Variants in KLHL32 observed in about 807,000 individuals in gnomAD.
KLHL32 encodes the protein kelch like family member 32, also known as kelch-like protein 32.
KLHL32 carries 35 observed loss-of-function variants against 64.8 expected under a neutral mutation model. That is an observed-to-expected ratio of 0.54 (90% confidence interval 0.41 to 0.72). The LOEUF is 0.72. Among genes scored for constraint, KLHL32 ranks in the 30% least tolerant of loss-of-function variants. The pLI, the probability that KLHL32 is intolerant of heterozygous loss-of-function variation, is 0.00. For synonymous variants in KLHL32, 259 were observed against 281.0 expected, an observed-to-expected ratio of 0.92 and a Z score of 0.78; for missense variants, 589 against 768.5, an observed-to-expected ratio of 0.77 and a Z score of 2.76.
chr6:97,014,363 G>A (rs1351558779), intron 3 of KLHL32, among the ~76,000 whole-genome samples: 2 of 150,948 alleles, frequency 1.3e-5, no homozygotes, highest in African/African-American at 4.9e-5. Context: ...TTCTGCTTTG[G>A]GTTTGTTTTA....
chr6:97,052,647 G>A (rs564964398), intron 4 of KLHL32, among the ~76,000 whole-genome samples: 3 of 152,208 alleles, frequency 2.0e-5, no homozygotes, highest in Admixed American at 6.5e-5. Flanking sequence ...GCCCAATAAA[G>A]GCCAATATTG....
intron 6 of KLHL32, among the ~76,000 whole-genome samples, chr6:97,095,349 G>T (rs1794834732): frequency 6.6e-6 from 1 of 152,186 alleles, no homozygotes; most frequent in South Asian, 2.1e-4. Flanking sequence ...AAACAAAGGG[G>T]TTGATTTATC....
At chr6:96,936,508 T>G (rs1342677512) in intron 1 of KLHL32, among the ~76,000 whole-genome samples, 1 of 152,202 alleles carries the variant, frequency 6.6e-6, no homozygotes, top group African/African-American at 2.4e-5. Flanking sequence ...CTCTCACAAC[T>G]TACATCCAAA....
chr6:97,111,440 G>A (rs925365217), intron 6 of KLHL32, among the ~76,000 whole-genome samples: 2 of 152,220 alleles, frequency 1.3e-5, no homozygotes, highest in South Asian at 2.1e-4. Flanking sequence ...TTCAGTGCCA[G>A]CAGAGGTAAA....
At chr6:97,113,732 C>T (rs775811193) in intron 6 of KLHL32, 51 bp from the exon 7 acceptor site, 3 of 1,579,706 alleles carry the variant, frequency 1.9e-6, no homozygotes, top group Non-Finnish European at 2.6e-6. Flanking sequence ...GTTGCTTTCT[C>T]TTTCTTTCTT....
chr6:96,916,412 A>T, the KLHL32 span, among the ~76,000 whole-genome samples: 1 of 152,234 alleles, frequency 6.6e-6, no homozygotes, highest in South Asian at 2.1e-4. Flanking sequence ...AAAAGTCAGC[A>T]CCAAGATGAG....
intron 1 of KLHL32, among the ~76,000 whole-genome samples, chr6:96,953,729 C>T (rs1772914534): frequency 6.6e-6 from 1 of 152,064 alleles, no homozygotes; most frequent in African/African-American, 2.4e-5. Context: ...ATTAGTTACA[C>T]TGATACTTTG....
In KLHL32 at chr6:97,110,759, C is replaced by T. The variant is rs151215954; in HGVS notation, c.628-3024C>T. Among the ~76,000 whole-genome samples the T allele has an allele frequency of 3.7e-3, 557 of 152,334 alleles. 2 individuals are homozygous for T. The highest frequency in any genetic ancestry group is 0.012 in the African/African-American group (512 of 41,566). On this transcript the variant is annotated intron_variant, in intron 6 of 10. Transcript: ENST00000369261. The stretch of plus-strand genomic sequence containing the variant: ...CAGGATATTTTCCTTGACAGCTTTG[C>T]AGGCGGGAACCGGAGCACGGGCAAT...
intron 5 of KLHL32, among the ~76,000 whole-genome samples, chr6:97,083,139 C>G (rs997528173): frequency 6.6e-6 from 1 of 152,146 alleles, no homozygotes; most frequent in Non-Finnish European, 1.5e-5. Flanking sequence ...TGCCTGTAAT[C>G]CTAGCACTTT....
chr6:97,016,111 A>G (rs535834834), intron 3 of KLHL32, among the ~76,000 whole-genome samples: 21 of 152,368 alleles, frequency 1.4e-4, no homozygotes, highest in African/African-American at 5.0e-4. Flanking sequence ...TGCTAGGGCA[A>G]TGCAGAAGGG....
chr6:97,124,437 G>A (rs752484827), intron 7 of KLHL32, among the ~76,000 whole-genome samples: 3 of 152,178 alleles, frequency 2.0e-5, no homozygotes, highest in Non-Finnish European at 4.4e-5. Context: ...TGCATTTGTG[G>A]AAGACAGTAA....
intron 1 of KLHL32, among the ~76,000 whole-genome samples, chr6:96,930,094 C>A (rs1024980164): frequency 3.9e-5 from 6 of 152,050 alleles, no homozygotes; most frequent in African/African-American, 1.4e-4. Context: ...TGATACAACC[C>A]GTTTGTTATA....
intron 3 of KLHL32, among the ~76,000 whole-genome samples, chr6:96,987,246 T>A (rs1777223279): frequency 6.6e-6 from 1 of 152,242 alleles, no homozygotes; most frequent in Non-Finnish European, 1.5e-5. Flanking sequence ...TCTTGCCTTC[T>A]GCTAGCTTTT....
intron 7 of KLHL32, among the ~76,000 whole-genome samples, chr6:97,121,972 T>G (rs17057450): frequency 0.016 from 2,361 of 152,280 alleles, 65 homozygotes; most frequent in African/African-American, 0.054. Context: ...TTGACCCTGC[T>G]GGGAATGTGC....
At chr6:96,951,480 A>T (rs774729008) in intron 1 of KLHL32, among the ~76,000 whole-genome samples, 3 of 152,118 alleles carry the variant, frequency 2.0e-5, no homozygotes, top group Non-Finnish European at 2.9e-5. Context: ...CATGTGGGGC[A>T]TGTTGGACAG....
At chr6:96,984,818 C>T (rs1183558240) in intron 3 of KLHL32, among the ~76,000 whole-genome samples, 1 of 152,158 alleles carries the variant, frequency 6.6e-6, no homozygotes, top group Non-Finnish European at 1.5e-5. Context: ...GGTCTTGACT[C>T]TTTATCCAAT....
rs148672952 is a variant in KLHL32 at position 97,086,794 on chromosome 6, A to T, written c.627+1453A>T. The stretch of plus-strand genomic sequence containing the variant: ...TCTCTGGCTCTCTCTTATAAACACA[A>T]ATCAACAGAATTTACTTTGGTCAAT... On this transcript the variant is annotated intron_variant, in intron 6 of 10. Transcript: ENST00000369261. 1.4e-3 allele frequency among the ~76,000 whole-genome samples: 219 copies of T among 152,330 alleles called. 1 individual carries two copies. Among genetic ancestry groups the T allele is most frequent in the Non-Finnish European group, 1.2e-3 (83 of 68,030 alleles).
intron 3 of KLHL32, among the ~76,000 whole-genome samples, chr6:97,010,947 C>T (rs925459956): frequency 2.6e-5 from 4 of 152,140 alleles, no homozygotes; most frequent in Admixed American, 6.6e-5. Flanking sequence ...AAGCAAATAC[C>T]AGTGGATGTG....
chr6:96,969,746 C>T (rs1271846363), intron 2 of KLHL32, among the ~76,000 whole-genome samples: 1 of 152,196 alleles, frequency 6.6e-6, no homozygotes, highest in East Asian at 1.9e-4. Flanking sequence ...GCTTGTTTCT[C>T]AGCCATGTTC....
Sources: allele counts gnomAD v4.1 joint callset (sites outside exome capture counted in the v4.1 genomes callset), GRCh38; gene constraint gnomAD v4.1.1; transcripts MANE v1.5; gene names NCBI Gene and HGNC (gene_info 2026-07-23, HGNC 2026-07-21).